CENPU: variants seen among roughly 807,000 people sequenced by gnomAD.
The protein encoded by CENPU is centromere protein U.
In CENPU, 46 loss-of-function variants were observed where a neutral mutation model predicts 56.7. The ratio of observed to expected loss-of-function variants is 0.81; its 90% CI spans 0.64 to 1.04. The LOEUF is 1.04. Ranked by LOEUF, CENPU falls within the 50% of genes least tolerant of loss-of-function variation. The probability of loss-of-function intolerance (pLI) is 0.00; values close to 1 mark genes in which losing one functional copy is unlikely to be tolerated. For missense variants in CENPU, 510 were observed against 490.1 expected (o/e 1.04, Z -0.38); for synonymous variants, 166 against 163.0 (o/e 1.02, Z -0.14).
In CENPU at chr4:184,712,939, T is replaced by C; in HGVS notation, c.688+5A>G. 1 of 1,563,158 alleles carries C rather than the reference T, an allele frequency of 6.4e-7. No individual in the cohort carries two copies. Among genetic ancestry groups the C allele is most frequent in the Non-Finnish European group, 8.7e-7 (1 of 1,146,696 alleles). On this transcript the variant is annotated splice_donor_5th_base_variant and intron_variant, in intron 7 of 12. Coordinates refer to ENST00000281453, the MANE Select transcript of CENPU (RefSeq NM_024629.4). ...AGTGACAAAGTATAAAACATCATTCTCTACCTGAGCCTATGGCTTTACTTC... is the reference window on the plus strand; with the variant it reads ...AGTGACAAAGTATAAAACATCATTCCCTACCTGAGCCTATGGCTTTACTTC...
chr4:184,710,252 G>T, intron 7 of CENPU, 72 bp from the exon 8 acceptor site: 1 of 932,068 alleles, frequency 1.1e-6, no homozygotes, highest in Non-Finnish European at 1.7e-6. Flanking sequence ...CTGAAAGCCT[G>T]ACACAAAAAT....
chr4:184,694,439 A>T lies in CENPU; in HGVS notation c.*849T>A, dbSNP rs1446059924. ...TATCTGTCACTTAATACCTTACTTC[A>T]ACATAGAGTATAAGGTTAAATCACA... On this transcript the variant is annotated 3_prime_UTR_variant, in exon 13 of 13. Transcript: ENST00000281453. 2.0e-6 allele frequency: 3 copies of T among 1,499,302 alleles called. No individual in the cohort carries two copies. The African/African-American group carries it at 4.2e-5, about 21-fold the overall frequency. The allele number at this position is 1,499,302 out of a possible 1,614,324, so 92.9% of individuals were successfully genotyped here. A position where few individuals can be genotyped will look rare whatever the true frequency, so the allele number is the denominator to read the frequency against.
chr4:184,702,399 T>C lies in CENPU; in HGVS notation c.840A>G (p.Thr280=). Residue 280 remains threonine (T), a synonymous_variant, in exon 9 of 13, where the codon ACA becomes ACG. Coordinates refer to ENST00000281453, the MANE Select transcript of CENPU (RefSeq NM_024629.4). ...ATTGTTCTTTAACATTAACATAAAA[T>C]GTGGCGATGGCTGCCTTACAAACTT... ...ESKVCKAAIA[T]FYVNVKEQFI... The C allele has an allele frequency of 1.2e-6, 2 of 1,612,398 alleles. No individual in the cohort carries two copies. Among genetic ancestry groups the C allele is most frequent in the Non-Finnish European group, 1.7e-6 (2 of 1,179,556 alleles).
chr4:184,727,790 A>T (rs1472304662), intron 3 of CENPU, among the ~76,000 whole-genome samples: 1 of 152,234 alleles, frequency 6.6e-6, no homozygotes, highest in Non-Finnish European at 1.5e-5. Context: ...GGTATATCCA[A>T]ACAATGGAGT....
At chr4:184,696,698 ATT>A (rs1491508437) in intron 12 of CENPU, among the ~76,000 whole-genome samples, 4 of 150,194 alleles carry the variant, frequency 2.7e-5, no homozygotes, top group Non-Finnish European at 5.9e-5. Context: ...ATATATATAT[ATT>A]ATATAAAATT....
rs372553013 is a variant in CENPU at position 184,695,328 on chromosome 4, T to C, written c.1217A>G (p.Asn406Ser). ...TLLGAESHLR[N>S]INHQLEKLLD... is the part of the protein sequence containing the mutation. Reference sequence around the variant, plus strand: ...GAGCTTCTCTAACTGATGGTTGATATTTCGCAGATGGCTTTCGGCTCCCAG... The same window carrying C: ...GAGCTTCTCTAACTGATGGTTGATACTTCGCAGATGGCTTTCGGCTCCCAG... The change falls in exon 13 of 13, where the codon AAT becomes AGT. Residue 406 changes from asparagine to serine, a missense_variant. Physicochemically the swap from Asn to Ser is conservative, Grantham distance 46 (BLOSUM62 1). Transcript: ENST00000281453. The C allele has an allele frequency of 1.8e-5, 29 of 1,613,638 alleles. No individual in the cohort carries two copies. The highest frequency in any genetic ancestry group is 5.9e-6 in the Non-Finnish European group (7 of 1,179,568).
At position 184,702,365 on chromosome 4, in the gene CENPU, T is replaced by C; in HGVS notation, c.874A>G (p.Met292Val). ...CAAATGCATGTCCGTGAGCTTACCA[T>C]TTTGATGAATTGTTCTTTAACATTA... ...YVNVKEQFIK[M>V]LKESQMLTNL... The change falls in exon 9 of 13, where the codon ATG becomes GTG. Residue 292 changes from methionine (M) to valine (V), a missense_variant and splice_region_variant. Met to Val is a conservative substitution (Grantham distance 21). Transcript: ENST00000281453. 2 of 1,611,634 alleles carry C rather than the reference T, an allele frequency of 1.2e-6. No individual in the cohort carries two copies. The highest frequency in any genetic ancestry group is 1.7e-6 in the Non-Finnish European group (2 of 1,179,226).
chr4:184,703,095 T>C (rs191218130), intron 8 of CENPU, among the ~76,000 whole-genome samples: 2 of 152,218 alleles, frequency 1.3e-5, no homozygotes, highest in Admixed American at 6.5e-5. Context: ...ACCGGAAACA[T>C]GTATCAGCAA....
intron 3 of CENPU, among the ~76,000 whole-genome samples, chr4:184,725,863 A>G (rs1761432108): frequency 1.3e-5 from 2 of 152,212 alleles, no homozygotes; most frequent in South Asian, 4.1e-4. Flanking sequence ...GGAGATGCTA[A>G]GAGGAGAAAG....
intron 8 of CENPU, among the ~76,000 whole-genome samples, chr4:184,707,508 C>A (rs1760767694): frequency 6.6e-6 from 1 of 152,180 alleles, no homozygotes; most frequent in Admixed American, 6.5e-5. Flanking sequence ...CCCAGCCAAA[C>A]CCCCATGCTG....
At chr4:184,696,432 C>T (rs1760314573) in intron 12 of CENPU, among the ~76,000 whole-genome samples, 1 of 152,158 alleles carries the variant, frequency 6.6e-6, no homozygotes, top group Admixed American at 6.5e-5. Context: ...CACTAAACCT[C>T]GCTTTTAACC....
chr4:184,712,161 T>G (rs1244550288), intron 7 of CENPU, among the ~76,000 whole-genome samples: 1 of 144,200 alleles, frequency 6.9e-6, no homozygotes, highest in Non-Finnish European at 1.5e-5. Context: ...TTTATTCAAA[T>G]AGCCAAAACC....
At chr4:184,719,900 C>T (rs1256466028) in intron 4 of CENPU, among the ~76,000 whole-genome samples, 1 of 152,174 alleles carries the variant, frequency 6.6e-6, no homozygotes, top group Non-Finnish European at 1.5e-5. Context: ...AGCCTTCCCA[C>T]AAATGATGGA....
rs527938085 is a variant in CENPU, at chr4:184,702,207, A to C, written c.877-71T>G. ...AATGTTAATTAGTTTCACATGTGTC[A>C]CATTTAGTTTAAAAACAGTTATGTG... On this transcript the variant is annotated intron_variant, in intron 9 of 12. Coordinates refer to ENST00000281453, the MANE Select transcript of CENPU (RefSeq NM_024629.4). 3 of 1,318,916 alleles carry C rather than the reference A, an allele frequency of 2.3e-6. No homozygotes were observed. The East Asian group carries it at 6.9e-5, about 30-fold the overall frequency. The allele number at this position is 1,318,916 out of a possible 1,614,324, so 81.7% of individuals were successfully genotyped here. A position where few individuals can be genotyped will look rare whatever the true frequency, so the allele number is the denominator to read the frequency against.
Position 184,694,878 on chromosome 4 carries a change from T to A in CENPU, c.*410A>T. ...TTCAACCTGTTTATATAAACTAAGT[T>A]TTATTACTTTGCTTTCCAATTTTTG... is the stretch of plus-strand genomic sequence containing the variant. On this transcript the variant is annotated 3_prime_UTR_variant, in exon 13 of 13. Coordinates refer to ENST00000281453, the MANE Select transcript of CENPU (RefSeq NM_024629.4). The A allele has an allele frequency of 9.5e-7, 1 of 1,054,682 alleles. No homozygotes were observed. Among genetic ancestry groups the A allele is most frequent in the East Asian group, 2.5e-5 (1 of 40,112 alleles). 65.3% of individuals were successfully genotyped at this position (1,054,682 alleles called of 1,614,324 possible). A position where few individuals can be genotyped will look rare whatever the true frequency, so the allele number is the denominator to read the frequency against.
intron 4 of CENPU, among the ~76,000 whole-genome samples, chr4:184,717,515 A>G (rs188209339): frequency 6.6e-6 from 1 of 152,280 alleles, no homozygotes; most frequent in East Asian, 1.9e-4. Flanking sequence ...AAGCTAATCC[A>G]CTAGGCCCAT....
At chr4:184,719,494 C>T (rs7682505) in intron 4 of CENPU, among the ~76,000 whole-genome samples, 27,113 of 152,168 alleles carry the variant, frequency 0.18, 2,722 homozygotes, top group African/African-American at 0.26. Context: ...ATCTTAGCAG[C>T]AGGAGCTTGA....
At position 184,725,060 on chromosome 4, in the gene CENPU, G is replaced by T. The variant is rs771546114; in HGVS notation, c.217C>A (p.Pro73Thr). Residue 73 changes from proline (P) to threonine (T), a missense_variant and splice_region_variant, in exon 4 of 13, where the codon CCT becomes ACT. By Grantham distance (38) the Pro-to-Thr change is conservative. Transcript: ENST00000281453. ...TATATAGCTGTGCTATGTAAAGGAG[G>T]ATCTTTCAAAAGACAAAAAAGAAGC... Reference protein sequence around the residue: ...KDEETYETFDPPLHSTAIYAD... With the variant: ...KDEETYETFDTPLHSTAIYAD... 1 of 1,595,130 alleles carries T rather than the reference G, an allele frequency of 6.3e-7. No homozygotes were observed. The highest frequency in any genetic ancestry group is 1.8e-5 in the Admixed American group (1 of 56,728).
At chr4:184,710,302 T>A (rs888890574) in intron 7 of CENPU, 122 bp from the exon 8 acceptor site, 1 of 587,528 alleles carries the variant, frequency 1.7e-6, no homozygotes, top group East Asian at 3.0e-5. Flanking sequence ...AGCTGAACAA[T>A]CAGAGAGGAG....
Sources: allele counts gnomAD v4.1 joint callset (sites outside exome capture counted in the v4.1 genomes callset), GRCh38; gene constraint gnomAD v4.1.1; transcripts MANE v1.5; gene names NCBI Gene and HGNC (gene_info 2026-07-23, HGNC 2026-07-21).